SF3B6: variants seen among roughly 807,000 people sequenced by gnomAD.
SF3B6 encodes the protein splicing factor 3b subunit 6, also known as SF3b 14 kDa subunit.
Under a neutral mutation model 15.9 loss-of-function variants are expected in SF3B6, and 3 were observed. The observed-to-expected ratio is 0.19, with a 90% CI of 0.09 to 0.49. The LOEUF is 0.49. SF3B6 is among the 20% of genes least tolerant of loss of function. The probability of loss-of-function intolerance (pLI) is 0.97; values close to 1 mark genes in which losing one functional copy is unlikely to be tolerated. For synonymous variants in SF3B6, 49 were observed against 51.1 expected (o/e 0.96, Z 0.18); for missense variants, 71 against 154.3 (o/e 0.46, Z 2.86).
At position 24,068,125 on chromosome 2, in the gene SF3B6, G is replaced by A. The variant is rs936136967; in HGVS notation, c.288+196C>T. Reference sequence around the variant, plus strand: ...ACTACAGGCGCCCGCCACCACGCCCGGCTAATTTTTTGTATTTTTAGTACA... The same window carrying A: ...ACTACAGGCGCCCGCCACCACGCCCAGCTAATTTTTTGTATTTTTAGTACA... On this transcript the variant is annotated intron_variant, in intron 3 of 3. Transcript: ENST00000233468. Among the ~76,000 whole-genome samples, 10 of 152,208 alleles carry A rather than the reference G, an allele frequency of 6.6e-5. No homozygotes were observed. The East Asian group carries it at 7.7e-4, about 12-fold the overall frequency.
At chr2:24,071,964 C>T (rs909154743) in intron 2 of SF3B6, among the ~76,000 whole-genome samples, 1 of 152,220 alleles carries the variant, frequency 6.6e-6, no homozygotes, top group South Asian at 2.1e-4. Flanking sequence ...ATCACAACCA[C>T]TTTTTATATT....
intron 2 of SF3B6, among the ~76,000 whole-genome samples, chr2:24,069,428 T>C (rs1022944734): frequency 3.3e-5 from 5 of 152,172 alleles, no homozygotes; most frequent in African/African-American, 9.7e-5. Flanking sequence ...CAACGCTAAA[T>C]TGCAGGCAGC....
At chr2:24,073,241 C>G (rs1349895897) in intron 2 of SF3B6, among the ~76,000 whole-genome samples, 1 of 152,234 alleles carries the variant, frequency 6.6e-6, no homozygotes, top group African/African-American at 2.4e-5. Flanking sequence ...GTAGTCATTA[C>G]TGTGGTAAAA....
At chr2:24,072,817 A>G (rs1664677995) in intron 2 of SF3B6, among the ~76,000 whole-genome samples, 1 of 152,198 alleles carries the variant, frequency 6.6e-6, no homozygotes, top group South Asian at 2.1e-4. Context: ...CAAGGCCTGA[A>G]GTAGAATCTT....
At chr2:24,069,847 C>T (rs557167902) in intron 2 of SF3B6, among the ~76,000 whole-genome samples, 5 of 152,302 alleles carry the variant, frequency 3.3e-5, no homozygotes, top group African/African-American at 1.2e-4. Flanking sequence ...GTCTTAACAA[C>T]TTTCAGACTT....
Position 24,073,700 on chromosome 2 carries a change from T to C in SF3B6, c.149+376A>G, listed in dbSNP as rs7577199. 1,112 of 155,186 alleles carry C rather than the reference T, an allele frequency of 7.2e-3. 9 individuals carry two copies. Among genetic ancestry groups the C allele is most frequent in the African/African-American group, 0.026 (1,071 of 41,640 alleles). The allele number at this position is 155,186 out of a possible 1,614,324, so 9.6% of individuals were successfully genotyped here. On this transcript the variant is annotated intron_variant, in intron 2 of 3. Transcript: ENST00000233468. ...TTATTTAAAGAGACAGTGATGATTG[T>C]TGAGAAAATTATAGAGCTGCTGCAT...
rs1664661161 is a variant in SF3B6 at position 24,072,113 on chromosome 2, A to G, written c.149+1963T>C. ...GCGATTCTCCCACTTGAGCCTCCTGAGTAATTGCATTACAGGCGCGTGCCA... is the reference window on the plus strand; with the variant it reads ...GCGATTCTCCCACTTGAGCCTCCTGGGTAATTGCATTACAGGCGCGTGCCA... On this transcript the variant is annotated intron_variant, in intron 2 of 3. Coordinates refer to ENST00000233468, the MANE Select transcript of SF3B6 (RefSeq NM_016047.4). Among the ~76,000 whole-genome samples the G allele has an allele frequency of 3.9e-5, 6 of 152,032 alleles. No individual in the cohort carries two copies. In the South Asian group the frequency reaches 1.2e-3, roughly 31 times the overall value.
At chr2:24,072,160 A>AT (rs35256197) in intron 2 of SF3B6, among the ~76,000 whole-genome samples, 17,962 of 150,058 alleles carry the variant, frequency 0.12, 1,216 homozygotes, top group South Asian at 0.18. Flanking sequence ...TAATTTTTGT[A>AT]TTTTTTTTTA....
At chr2:24,074,634 C>G (rs1033346395) in intron 1 of SF3B6, among the ~76,000 whole-genome samples, 3 of 152,206 alleles carry the variant, frequency 2.0e-5, no homozygotes, top group Admixed American at 6.5e-5. Context: ...ATTCTTGTTT[C>G]TTGGAGAAAA....
chr2:24,074,717 C>G (rs568136725), intron 1 of SF3B6, among the ~76,000 whole-genome samples: 3 of 152,320 alleles, frequency 2.0e-5, no homozygotes, highest in Non-Finnish European at 2.9e-5. Context: ...CAACCTTCAT[C>G]TACTCAAAAC....
rs768225271 is a variant in SF3B6 at position 24,067,887 on chromosome 2, A to G, written c.289-36T>C. 13 of 1,556,502 alleles carry G rather than the reference A, an allele frequency of 8.4e-6. No individual in the cohort carries two copies. The Admixed American group carries it at 1.0e-4, about 12-fold the overall frequency. On this transcript the variant is annotated intron_variant, in intron 3 of 3. Coordinates refer to ENST00000233468, the MANE Select transcript of SF3B6 (RefSeq NM_016047.4). Reference sequence around the variant, plus strand: ...GGTAAGCACCAAAATTAAATTACCAATCTACAGCCAAATGAATTTCATCAA... The same window carrying G: ...GGTAAGCACCAAAATTAAATTACCAGTCTACAGCCAAATGAATTTCATCAA...
intron 1 of SF3B6, 25 bp downstream of exon 1, chr2:24,076,175 C>G: frequency 6.2e-7 from 1 of 1,614,142 alleles, no homozygotes; most frequent in Non-Finnish European, 8.5e-7. Flanking sequence ...GTTCTCCCAC[C>G]CTCCGCAGAA....
intron 2 of SF3B6, among the ~76,000 whole-genome samples, chr2:24,070,277 T>C (rs1664633532): frequency 6.6e-6 from 1 of 152,304 alleles, no homozygotes; most frequent in East Asian, 1.9e-4. Context: ...GTCAACCAAT[T>C]CTTGTGCAGG....
At chr2:24,072,126 C>G (rs1052864933) in intron 2 of SF3B6, among the ~76,000 whole-genome samples, 1 of 152,030 alleles carries the variant, frequency 6.6e-6, no homozygotes, top group Admixed American at 6.6e-5. Flanking sequence ...AATTGCATTA[C>G]AGGCGCGTGC....
Position 24,068,390 on chromosome 2 carries a change from T to C in SF3B6, c.219A>G (p.Ala73=). Reference sequence around the variant, plus strand: ...CATTGAATCCCGATAGGTGATCACATGCATTCTTGGCATCAAAGATGTCCT... The same window carrying C: ...CATTGAATCCCGATAGGTGATCACACGCATTCTTGGCATCAAAGATGTCCT... ...VYEDIFDAKN[A]CDHLSGFNVC... Residue 73 remains alanine (A), a synonymous_variant, in exon 3 of 4, where the codon GCA becomes GCG. Transcript: ENST00000233468. 1 of 1,614,190 alleles carries C rather than the reference T, an allele frequency of 6.2e-7. No homozygotes were observed. The highest frequency in any genetic ancestry group is 8.5e-7 in the Non-Finnish European group (1 of 1,179,998).
intron 3 of SF3B6, 51 bp downstream of exon 3, chr2:24,068,270 C>T (rs774334936): frequency 1.3e-6 from 2 of 1,568,810 alleles, no homozygotes; most frequent in Non-Finnish European, 8.6e-7. Context: ...GCCAGTTCTA[C>T]ACTAATTCTC....
At position 24,067,754 on chromosome 2, in the gene SF3B6, G is replaced by C; in HGVS notation, c.*8C>G. The C allele has an allele frequency of 6.2e-7, 1 of 1,606,922 alleles. No homozygotes were observed. Among genetic ancestry groups the C allele is most frequent in the Non-Finnish European group, 8.5e-7 (1 of 1,174,904 alleles). ...GGGATTTAGTCCAAATGAAAATGTA[G>C]AAAACATTTATTTTGGTGGATCTGT... On this transcript the variant is annotated 3_prime_UTR_variant, in exon 4 of 4. Coordinates refer to ENST00000233468, the MANE Select transcript of SF3B6 (RefSeq NM_016047.4).
Position 24,067,741 on chromosome 2 carries a change from A to C in SF3B6, c.*21T>G, listed in dbSNP as rs372327715. On this transcript the variant is annotated 3_prime_UTR_variant, in exon 4 of 4. Transcript: ENST00000233468. ...AGTTGTCATTCGTGGGATTTAGTCC[A>C]AATGAAAATGTAGAAAACATTTATT... The C allele has an allele frequency of 4.2e-5, 67 of 1,597,934 alleles. No individual in the cohort carries two copies. In the Middle Eastern group the frequency reaches 4.9e-4, roughly 12 times the overall value.
chr2:24,075,944 C>T (rs1664737455), intron 1 of SF3B6, among the ~76,000 whole-genome samples: 1 of 151,804 alleles, frequency 6.6e-6, no homozygotes. Flanking sequence ...GCGGGTCAAG[C>T]AAAGAGGCTA....
Sources: allele counts gnomAD v4.1 joint callset (sites outside exome capture counted in the v4.1 genomes callset), GRCh38; gene constraint gnomAD v4.1.1; transcripts MANE v1.5; gene names NCBI Gene and HGNC (gene_info 2026-07-23, HGNC 2026-07-21).